Variants in ENO1 observed in about 807,000 individuals in gnomAD.
The protein encoded by ENO1 is enolase 1, also known as alpha-enolase.
A neutral mutation model predicts 46.3 loss-of-function variants in ENO1; 33 were observed. The observed-to-expected ratio is 0.71, with a 90% CI of 0.54 to 0.95. ENO1 has a LOEUF of 0.95. ENO1 is among the 40% of genes least tolerant of loss of function. ENO1 has a pLI of 0.00. For synonymous variants in ENO1, 220 were observed against 216.0 expected, an observed-to-expected ratio of 1.02 and a Z score of -0.16; for missense variants, 488 against 553.3, an observed-to-expected ratio of 0.88 and a Z score of 1.18.
intron 4 of ENO1, 154 bp downstream of exon 4, chr1:8,870,298 T>G: frequency 1.1e-6 from 1 of 938,770 alleles, no homozygotes. Flanking sequence ...CAGGTTAGAA[T>G]TATGTCATGC....
At chr1:8,867,382 A>G (rs1642543248) in intron 5 of ENO1, 132 bp from the exon 6 acceptor site, 1 of 1,291,408 alleles carries the variant, frequency 7.7e-7, no homozygotes, top group African/African-American at 1.5e-5. Context: ...TGTTACTAGA[A>G]ATACAAATAG....
intron 4 of ENO1, among the ~76,000 whole-genome samples, chr1:8,868,945 C>T (rs541305820): frequency 3.4e-4 from 52 of 152,242 alleles, no homozygotes; most frequent in Admixed American, 5.9e-4. Context: ...CTAAAGTCCT[C>T]CTAAAGTGTT....
In ENO1 at chr1:8,871,929, T is replaced by C. The variant is rs752638327; in HGVS notation, c.143A>G (p.Glu48Gly). Reference protein sequence around the residue: ...GASTGIYEALELRDNDKTRYM... With the variant: ...GASTGIYEALGLRDNDKTRYM... ...GCGAGTCTTATCATTGTCCCGGAGCTCTAGGGCCTCATAGATACCAGTTGA... is the reference window on the plus strand; with the variant it reads ...GCGAGTCTTATCATTGTCCCGGAGCCCTAGGGCCTCATAGATACCAGTTGA... The change falls in exon 3 of 12, where the codon GAG becomes GGG. Residue 48 changes from glutamate to glycine, a missense_variant. Transcript: ENST00000234590. 1 of 1,614,126 alleles carries C rather than the reference T, an allele frequency of 6.2e-7. No homozygotes were observed. Among genetic ancestry groups the C allele is most frequent in the Non-Finnish European group, 8.5e-7 (1 of 1,180,018 alleles).
intron 4 of ENO1, 175 bp downstream of exon 4, chr1:8,870,277 G>C (rs972974062): frequency 2.8e-6 from 2 of 714,818 alleles, no homozygotes; most frequent in Non-Finnish European, 4.5e-6. Flanking sequence ...AAAGTGGGGT[G>C]AGGCAGCGGG....
At chr1:8,870,839 C>T in intron 3 of ENO1, 1 of 1,346,828 alleles carries the variant, frequency 7.4e-7, no homozygotes, top group Non-Finnish European at 9.5e-7. Flanking sequence ...GTGCACAGGG[C>T]TGGTGCCAGG....
rs766104320 is a variant in ENO1, at chr1:8,866,485, T to C, written c.461A>G (p.Asn154Ser). Reference sequence around the variant, plus strand: ...CTTGTTGCCAGCATGAGAACCGCCATTGATGACATTGAACGCCTGGGGAGA... The same window carrying C: ...CTTGTTGCCAGCATGAGAACCGCCACTGATGACATTGAACGCCTGGGGAGA... ...ILPVPAFNVINGGSHAGNKLA... is the reference protein window; with the variant it reads ...ILPVPAFNVISGGSHAGNKLA... Residue 154 changes from asparagine (N) to serine (S), a missense_variant, in exon 7 of 12, where the codon AAT becomes AGT. Transcript: ENST00000234590. The C allele has an allele frequency of 1.6e-5, 26 of 1,614,074 alleles. No homozygotes were observed. The highest frequency in any genetic ancestry group is 1.6e-4 in the Middle Eastern group (1 of 6,084).
Position 8,866,414 on chromosome 1 carries a change from A to G in ENO1, c.532T>C (p.Phe178Leu), listed in dbSNP as rs1367278103. Residue 178 changes from phenylalanine to leucine, a missense_variant, in exon 7 of 12, where the codon TTC (phenylalanine) becomes CTC (leucine). Coordinates refer to ENST00000234590, the MANE Select transcript of ENO1 (RefSeq NM_001428.5). The part of the protein sequence containing the change: ...FMILPVGAAN[F>L]REAMRIGAEV... ...GCTCCAATGCGCATGGCTTCCCTGAAGTTTGCTGCACCGACTGGGAGGATC... is the reference window on the plus strand; with the variant it reads ...GCTCCAATGCGCATGGCTTCCCTGAGGTTTGCTGCACCGACTGGGAGGATC... 6.2e-7 allele frequency: 1 copy of G among 1,614,172 alleles called. No homozygotes were observed. The highest frequency in any genetic ancestry group is 8.5e-7 in the Non-Finnish European group (1 of 1,180,028).
chr1:8,867,381 A>C, intron 5 of ENO1, 131 bp from the exon 6 acceptor site: 1 of 1,290,628 alleles, frequency 7.7e-7, no homozygotes, highest in East Asian at 2.4e-5. Context: ...CTGTTACTAG[A>C]AATACAAATA....
intron 8 of ENO1, among the ~76,000 whole-genome samples, chr1:8,864,733 G>A (rs1172583991): frequency 6.6e-6 from 1 of 152,190 alleles, no homozygotes; most frequent in Non-Finnish European, 1.5e-5. Flanking sequence ...TTGGGTCTTG[G>A]CTCAACCTTG....
chr1:8,876,849 T>C (rs1569926398), intron 1 of ENO1, among the ~76,000 whole-genome samples: 1 of 152,076 alleles, frequency 6.6e-6, no homozygotes, highest in South Asian at 2.1e-4. Context: ...GTGTGATTTT[T>C]TTTTTATTTT....
chr1:8,875,869 G>A (rs1350963838), intron 1 of ENO1: 1 of 151,986 alleles, frequency 6.6e-6, no homozygotes, highest in Non-Finnish European at 1.5e-5. Context: ...CCCTGCCTTG[G>A]CCTCCCAAAG....
chr1:8,862,820 G>T, intron 11 of ENO1, 67 bp downstream of exon 11: 1 of 1,566,680 alleles, frequency 6.4e-7, no homozygotes, highest in Non-Finnish European at 8.7e-7. Flanking sequence ...GGAGGGCAGT[G>T]CCTACACTGA....
chr1:8,862,327 T>G (rs1301992373), intron 11 of ENO1, among the ~76,000 whole-genome samples: 15 of 151,914 alleles, frequency 9.9e-5, no homozygotes, highest in Admixed American at 9.8e-4. Context: ...TGTTTGAAAA[T>G]TTCCAGGATA....
chr1:8,870,406 G>A lies in ENO1; in HGVS notation c.240+46C>T, dbSNP rs541167224. The stretch of plus-strand genomic sequence containing the variant: ...AGGAAAGCCCCTGGGCCTGGGAGAC[G>A]CTCTGGTGGCATTAGACACATTAGT... On this transcript the variant is annotated intron_variant, in intron 4 of 11. Transcript: ENST00000234590. The A allele has an allele frequency of 1.9e-5, 30 of 1,612,902 alleles. No homozygotes were observed. The South Asian group carries it at 2.2e-4, about 12-fold the overall frequency.
chr1:8,864,290 C>T (rs1557579229), intron 8 of ENO1, among the ~76,000 whole-genome samples, 198 bp from the exon 9 acceptor site: 1 of 152,090 alleles, frequency 6.6e-6, no homozygotes. Context: ...AAAAGTCACC[C>T]ACAATCCTGG....
At chr1:8,874,194 G>C (rs920699542) in intron 2 of ENO1, among the ~76,000 whole-genome samples, 1 of 152,110 alleles carries the variant, frequency 6.6e-6, no homozygotes, top group African/African-American at 2.4e-5. Context: ...ACTAGTGATG[G>C]GCCCCTTTAG....
In ENO1 at chr1:8,871,947, C is replaced by T. The variant is rs372656945; in HGVS notation, c.125G>A (p.Gly42Asp). ...CCGGAGCTCTAGGGCCTCATAGATA[C>T]CAGTTGAAGCACCACTGGGCACAGC... The part of the protein sequence containing the change: ...RAAVPSGAST[G>D]IYEALELRDN... Residue 42 changes from glycine to aspartate, a missense_variant, in exon 3 of 12, where the codon GGT (glycine) becomes GAT (aspartate). Physicochemically the swap from Gly to Asp is moderately conservative, Grantham distance 94 (BLOSUM62 -1). Coordinates refer to ENST00000234590, the MANE Select transcript of ENO1 (RefSeq NM_001428.5). 1 of 1,614,112 alleles carries T rather than the reference C, an allele frequency of 6.2e-7. No individual in the cohort carries two copies. The highest frequency in any genetic ancestry group is 1.7e-5 in the Admixed American group (1 of 60,006).
rs769042336 is a variant in ENO1 at position 8,861,434 on chromosome 1, G to C, written c.1236-5C>G. ...CTGCCCAGCTCCTCTTCAATTCTTG[G>C]GAAGGAGAAAGGTAAAGAGATGGGG... On this transcript the variant is annotated splice_region_variant and splice_polypyrimidine_tract_variant and intron_variant, in intron 11 of 11. Transcript: ENST00000234590. 1.4e-5 allele frequency: 23 copies of C among 1,613,938 alleles called. No homozygotes were observed. Among genetic ancestry groups the C allele is most frequent in the Non-Finnish European group, 1.9e-5 (22 of 1,179,982 alleles).
intron 7 of ENO1, among the ~76,000 whole-genome samples, chr1:8,865,835 G>A (rs1198871228): frequency 6.6e-6 from 1 of 151,558 alleles, no homozygotes; most frequent in Non-Finnish European, 1.5e-5. Context: ...AGCAGAAGCG[G>A]GGTCCAAGAG....
Sources: allele counts gnomAD v4.1 joint callset (sites outside exome capture counted in the v4.1 genomes callset), GRCh38; gene constraint gnomAD v4.1.1; transcripts MANE v1.5; gene names NCBI Gene and HGNC (gene_info 2026-07-23, HGNC 2026-07-21).